The following ACVR2B variants were observed in gnomAD, a reference collection of about 807,000 sequenced individuals.
The protein encoded by ACVR2B is activin receptor type-2B.
Under a neutral mutation model 65.1 loss-of-function variants are expected in ACVR2B, and 18 were observed. The observed-to-expected ratio is 0.28, with a 90% CI of 0.19 to 0.41. The LOEUF (loss-of-function observed/expected upper bound fraction) is 0.41, where lower values mean the gene tolerates loss of function less well. Ranked by LOEUF, ACVR2B falls within the 10% of genes least tolerant of loss-of-function variation. The pLI is 1.00. For synonymous variants in ACVR2B, 298 were observed against 277.7 expected, an observed-to-expected ratio of 1.07 and a Z score of -0.73; for missense variants, 482 against 682.7, an observed-to-expected ratio of 0.71 and a Z score of 3.28.
intron 7 of ACVR2B, among the ~76,000 whole-genome samples, chr3:38,480,720 C>T (rs551379028): frequency 1.7e-4 from 26 of 152,324 alleles, no homozygotes; most frequent in African/African-American, 6.0e-4. Flanking sequence ...TGCTATATGG[C>T]TCAACTTAAT....
chr3:38,463,067 T>A (rs191189352), intron 1 of ACVR2B, among the ~76,000 whole-genome samples: 20 of 152,266 alleles, frequency 1.3e-4, no homozygotes, highest in Admixed American at 8.5e-4. Flanking sequence ...TCCACTGGCT[T>A]AATGTATGAG....
Position 38,483,446 on chromosome 3 carries a change from T to G in ACVR2B, c.*114T>G. ...CAACAAACACATAAAATGCAGCTGCTATTTTACCTTGACTTTTTATTATTA... is the reference window on the plus strand; with the variant it reads ...CAACAAACACATAAAATGCAGCTGCGATTTTACCTTGACTTTTTATTATTA... On this transcript the variant is annotated 3_prime_UTR_variant, in exon 11 of 11. Coordinates refer to ENST00000352511, the MANE Select transcript of ACVR2B (RefSeq NM_001106.4). The surrounding 1 kb of genome is among the most constrained non-coding windows in gnomAD (Gnocchi z 4.8). 19 of 731,720 alleles carry G rather than the reference T, an allele frequency of 2.6e-5. No homozygotes were observed. Among genetic ancestry groups the G allele is most frequent in the Non-Finnish European group, 3.6e-5 (16 of 442,172 alleles). The allele number at this position is 731,720 out of a possible 1,614,324, so 45.3% of individuals were successfully genotyped here.
chr3:38,460,976 T>C (rs1312621018), intron 1 of ACVR2B, among the ~76,000 whole-genome samples: 2 of 152,164 alleles, frequency 1.3e-5, no homozygotes, highest in African/African-American at 2.4e-5. Context: ...TTTCGGAGGA[T>C]GGGATGAGAC....
Position 38,481,033 on chromosome 3 carries a change from TG to T in ACVR2B, c.960-317del, listed in dbSNP as rs1292064588. Among the ~76,000 whole-genome samples, 1 of 152,232 alleles carries T rather than the reference TG, an allele frequency of 6.6e-6. No homozygotes were observed. The highest frequency in any genetic ancestry group is 2.4e-5 in the African/African-American group (1 of 41,460). On this transcript the variant is annotated intron_variant, in intron 7 of 10. Coordinates refer to ENST00000352511, the MANE Select transcript of ACVR2B (RefSeq NM_001106.4). This position sits in a 1 kb window ranked among gnomAD's most constrained non-coding sequence, Gnocchi z 4.7. ...AACTTGCATCCCAGGCCAGTGTGCCTGTCCACAACCCCTCTGAGAATATATG... is the reference window on the plus strand; with the variant it reads ...AACTTGCATCCCAGGCCAGTGTGCCTTCCACAACCCCTCTGAGAATATATG...
rs2059807355 is a variant in ACVR2B at position 38,491,182 on chromosome 3, T to C, written c.*7850T>C. 6.6e-6 allele frequency: 1 copy of C among 152,274 alleles called. No individual in the cohort carries two copies. The highest frequency in any genetic ancestry group is 2.1e-4 in the South Asian group (1 of 4,830). 9.4% of individuals were successfully genotyped at this position (152,274 alleles called of 1,614,324 possible). A position where few individuals can be genotyped will look rare whatever the true frequency, so the allele number is the denominator to read the frequency against. On this transcript the variant is annotated 3_prime_UTR_variant, in exon 11 of 11. Coordinates refer to ENST00000352511, the MANE Select transcript of ACVR2B (RefSeq NM_001106.4). ...TTGATGTATTTTAAATAAATATATA[T>C]ATTTTTTAAAGAGCCTTTTTTACCA...
At chr3:38,458,359 A>G (rs1248159806) in intron 1 of ACVR2B, among the ~76,000 whole-genome samples, 1 of 152,206 alleles carries the variant, frequency 6.6e-6, no homozygotes, top group Non-Finnish European at 1.5e-5. Flanking sequence ...ATATGTGTGC[A>G]TGTGTGTGTA....
chr3:38,478,038 G>C, intron 3 of ACVR2B, 68 bp downstream of exon 3: 1 of 1,594,844 alleles, frequency 6.3e-7, no homozygotes, highest in Non-Finnish European at 8.6e-7. Flanking sequence ...TGGAGCGCTT[G>C]GCTCCTCAGT....
chr3:38,455,307 C>T, intron 1 of ACVR2B, among the ~76,000 whole-genome samples: 1 of 152,136 alleles, frequency 6.6e-6, no homozygotes, highest in East Asian at 1.9e-4. Flanking sequence ...TCCTGGGAAA[C>T]GTGGGGAGCT....
rs61082091 is a variant in ACVR2B, at chr3:38,458,952, C to T, written c.52+4578C>T. On this transcript the variant is annotated intron_variant, in intron 1 of 10. Transcript: ENST00000352511. ...ATTGTAGGATATTTAGCAGTATCCC[C>T]GCCTCTACCCACAAATTCCAGTAGA... is the stretch of plus-strand genomic sequence containing the variant. 2.7e-4 allele frequency among the ~76,000 whole-genome samples: 41 copies of T among 152,226 alleles called. No homozygotes were observed. In the Middle Eastern group the frequency reaches 0.01, roughly 38 times the overall value.
rs1431745768 is a variant in ACVR2B, at chr3:38,484,809, T to C, written c.*1477T>C. The C allele has an allele frequency of 6.0e-4, 91 of 152,656 alleles. No homozygotes were observed. The highest frequency in any genetic ancestry group is 3.4e-4 in the Non-Finnish European group (23 of 68,040). 9.5% of individuals were successfully genotyped at this position (152,656 alleles called of 1,614,324 possible). A position where few individuals can be genotyped will look rare whatever the true frequency, so the allele number is the denominator to read the frequency against. ...GAAATACCTCAGAATTTTCTACTTA[T>C]GTAAGGTTTATTATATATTTTGTTA... On this transcript the variant is annotated 3_prime_UTR_variant, in exon 11 of 11. Transcript: ENST00000352511.
In ACVR2B at chr3:38,489,090, C is replaced by G. The variant is rs1371487570; in HGVS notation, c.*5758C>G. 6.6e-6 allele frequency: 1 copy of G among 152,434 alleles called. No individual in the cohort carries two copies. Among genetic ancestry groups the G allele is most frequent in the Admixed American group, 6.5e-5 (1 of 15,272 alleles). The allele number at this position is 152,434 out of a possible 1,614,324, so 9.4% of individuals were successfully genotyped here. ...GTGAGGATGGGTCTTCTTGCAAATG[C>G]ATGAGTTCTGTCTTGAGTCCTGGGA... is the stretch of plus-strand genomic sequence containing the variant. On this transcript the variant is annotated 3_prime_UTR_variant, in exon 11 of 11. Coordinates refer to ENST00000352511, the MANE Select transcript of ACVR2B (RefSeq NM_001106.4).
At chr3:38,465,353 G>A (rs918877371) in intron 1 of ACVR2B, among the ~76,000 whole-genome samples, 12 of 138,292 alleles carry the variant, frequency 8.7e-5, no homozygotes, top group East Asian at 2.1e-4. Context: ...AGCTGAAATC[G>A]CACCACTGCC....
Position 38,488,015 on chromosome 3 carries a change from T to C in ACVR2B, c.*4683T>C, listed in dbSNP as rs1462604197. Reference sequence around the variant, plus strand: ...AAGAAGCTCCGTGAATCTAGTCATCTACCCTTCATCCTGGGCGAACAGCCA... The same window carrying C: ...AAGAAGCTCCGTGAATCTAGTCATCCACCCTTCATCCTGGGCGAACAGCCA... On this transcript the variant is annotated 3_prime_UTR_variant, in exon 11 of 11. Coordinates refer to ENST00000352511, the MANE Select transcript of ACVR2B (RefSeq NM_001106.4). 1 of 152,208 alleles carries C rather than the reference T, an allele frequency of 6.6e-6. No individual in the cohort carries two copies. Among genetic ancestry groups the C allele is most frequent in the Admixed American group, 6.5e-5 (1 of 15,286 alleles). The allele number at this position is 152,208 out of a possible 1,614,324, so 9.4% of individuals were successfully genotyped here.
rs768454140 is a variant in ACVR2B, at chr3:38,479,782, G to A, written c.915G>A (p.Val305=). 1.9e-6 allele frequency: 3 copies of A among 1,614,254 alleles called. No homozygotes were observed. Among genetic ancestry groups the A allele is most frequent in the Non-Finnish European group, 2.5e-6 (3 of 1,180,052 alleles). ...GCCTCTCATACCTGCATGAGGATGT[G>A]CCCTGGTGCCGTGGCGAGGGCCACA... ...SRGLSYLHED[V]PWCRGEGHKP... is the part of the protein sequence containing the mutation. Residue 305 remains valine, a synonymous_variant, in exon 7 of 11, where the codon GTG becomes GTA. Transcript: ENST00000352511.
intron 5 of ACVR2B, 60 bp downstream of exon 5, chr3:38,478,578 C>T: frequency 1.2e-6 from 2 of 1,610,640 alleles, no homozygotes; most frequent in Non-Finnish European, 1.7e-6. Context: ...GAACTGGAGG[C>T]TCTCCTGACC....
chr3:38,481,293 C>T lies in ACVR2B; in HGVS notation c.960-58C>T. On this transcript the variant is annotated intron_variant, in intron 7 of 10. Transcript: ENST00000352511. The surrounding 1 kb of genome is among the most constrained non-coding windows in gnomAD (Gnocchi z 4.7). ...GGCACAGACTCTAGTATCTTGGGAA[C>T]CAAGGTGGGAGTTGGATCATGATGT... The T allele has an allele frequency of 3.5e-6, 5 of 1,443,996 alleles. No homozygotes were observed. The highest frequency in any genetic ancestry group is 4.9e-6 in the Non-Finnish European group (5 of 1,026,080). 89.4% of individuals were successfully genotyped at this position (1,443,996 alleles called of 1,614,324 possible).
chr3:38,462,189 A>C (rs1050464606), intron 1 of ACVR2B, among the ~76,000 whole-genome samples: 1 of 152,114 alleles, frequency 6.6e-6, no homozygotes, highest in Admixed American at 6.5e-5. Flanking sequence ...GCGAGACTCC[A>C]TCTCAAAATA....
chr3:38,482,666 T>C, intron 10 of ACVR2B, 106 bp downstream of exon 10: 1 of 1,497,648 alleles, frequency 6.7e-7, no homozygotes, highest in East Asian at 2.4e-5. Flanking sequence ...ATAGAAAGTC[T>C]GCGACGTTCC....
chr3:38,478,659 A>T, intron 5 of ACVR2B, 141 bp downstream of exon 5: 1 of 1,184,984 alleles, frequency 8.4e-7, no homozygotes, highest in Non-Finnish European at 1.2e-6. Flanking sequence ...CTAGTTACTC[A>T]TGTTACACTT....
Sources: allele counts gnomAD v4.1 joint callset (sites outside exome capture counted in the v4.1 genomes callset), GRCh38; gene constraint gnomAD v4.1.1; non-coding constraint Gnocchi (gnomAD v3.1); transcripts MANE v1.5; gene names NCBI Gene and HGNC (gene_info 2026-07-23, HGNC 2026-07-21).